The following ADAMTSL1 variants were observed in gnomAD, a reference collection of about 807,000 sequenced individuals.
The protein encoded by ADAMTSL1 is ADAMTS like 1.
Under a neutral mutation model 201.8 loss-of-function variants are expected in ADAMTSL1, and 126 were observed. The observed-to-expected ratio is 0.62, with a 90% CI of 0.54 to 0.72. The LOEUF is 0.72. Among genes scored for constraint, ADAMTSL1 ranks in the 30% least tolerant of loss-of-function variants. The pLI is 0.00. For synonymous variants in ADAMTSL1, 1,121 were observed against 903.4 expected (o/e 1.24, Z -4.32); for missense variants, 2,679 against 2,277.8 (o/e 1.18, Z -3.59).
rs535634885 is a variant in ADAMTSL1 at position 18,314,592 on chromosome 9, A to C, written c.207+150611A>C. Among the ~76,000 whole-genome samples, 3 of 150,926 alleles carry C rather than the reference A, an allele frequency of 2.0e-5. No homozygotes were observed. The South Asian group carries it at 6.5e-4, about 33-fold the overall frequency. On this transcript the variant is annotated intron_variant, in intron 2 of 29. Transcript: ENST00000680146. ...CCGTCTGGAGTTGTTCATCCCTCCC[A>C]GTGGGTTCATGGTCTCGCTGGCCTC...
At chr9:18,019,294 G>T (rs1586903623) in intron 1 of ADAMTSL1, among the ~76,000 whole-genome samples, 1 of 152,048 alleles carries the variant, frequency 6.6e-6, no homozygotes, top group African/African-American at 2.4e-5. Context: ...ACGAAAAGGA[G>T]TCAGGACTTG....
chr9:18,259,949 C>T (rs1467122357), intron 2 of ADAMTSL1, among the ~76,000 whole-genome samples: 1 of 152,140 alleles, frequency 6.6e-6, no homozygotes, highest in African/African-American at 2.4e-5. Context: ...CCATTTTTAA[C>T]TCATTCAAGG....
intron 16 of ADAMTSL1, among the ~76,000 whole-genome samples, chr9:18,759,512 A>G (rs770684823): frequency 1.3e-5 from 2 of 152,180 alleles, no homozygotes; most frequent in Admixed American, 1.3e-4. Context: ...GTTAGAGGCT[A>G]TATTTATTTA....
rs1824122144 is a variant in ADAMTSL1 at position 18,594,383 on chromosome 9, AT to A, written c.474+20122del. ...CTTATAACTGTCTTCAGATTTGGAC[AT>A]TTTTCTGTTACTACTTTTTTGAATA... On this transcript the variant is annotated intron_variant, in intron 4 of 28. Coordinates refer to ENST00000380548, the MANE Select transcript of ADAMTSL1 (RefSeq NM_001040272.6). Among the ~76,000 whole-genome samples, 20 of 152,020 alleles carry A rather than the reference AT, an allele frequency of 1.3e-4. No individual in the cohort carries two copies. In the South Asian group the frequency reaches 4.1e-3, roughly 31 times the overall value.
At chr9:18,897,567 A>G (rs1280454660) in intron 26 of ADAMTSL1, among the ~76,000 whole-genome samples, 2 of 152,244 alleles carry the variant, frequency 1.3e-5, no homozygotes, top group Admixed American at 6.5e-5. Flanking sequence ...ACATCCAGGT[A>G]AGGGGAAAAC....
At chr9:18,609,188 T>A (rs1404891324) in intron 4 of ADAMTSL1, among the ~76,000 whole-genome samples, 1 of 152,224 alleles carries the variant, frequency 6.6e-6, no homozygotes, top group Non-Finnish European at 1.5e-5. Flanking sequence ...TATTTGAAAG[T>A]GGTTCCTGAA....
At chr9:18,557,225 T>C (rs2063087841) in intron 3 of ADAMTSL1, among the ~76,000 whole-genome samples, 1 of 151,926 alleles carries the variant, frequency 6.6e-6, no homozygotes, top group African/African-American at 2.4e-5. Flanking sequence ...GCCAAGAAGA[T>C]TTGCATTAAT....
At chr9:18,116,907 A>G (rs949221343) in intron 1 of ADAMTSL1, among the ~76,000 whole-genome samples, 2 of 152,110 alleles carry the variant, frequency 1.3e-5, no homozygotes, top group Non-Finnish European at 2.9e-5. Flanking sequence ...TGGACATCTC[A>G]CATTTAAGTA....
At chr9:18,828,914 T>C (rs1405976744) in intron 22 of ADAMTSL1, among the ~76,000 whole-genome samples, 1 of 151,830 alleles carries the variant, frequency 6.6e-6, no homozygotes, top group Non-Finnish European at 1.5e-5. Context: ...TGCAGAATGC[T>C]GTTGAAATGA....
intron 1 of ADAMTSL1, among the ~76,000 whole-genome samples, chr9:17,929,437 G>A (rs567666735): frequency 6.6e-6 from 1 of 152,080 alleles, no homozygotes; most frequent in African/African-American, 2.4e-5. Flanking sequence ...GAGAATGCAT[G>A]CTTCCGAATA....
intron 18 of ADAMTSL1, among the ~76,000 whole-genome samples, 192 bp downstream of exon 18, chr9:18,776,088 A>C (rs989326040): frequency 1.3e-5 from 2 of 152,178 alleles, no homozygotes; most frequent in Admixed American, 1.3e-4. Context: ...GGCCAGGCTA[A>C]ATTCTCCTCT....
intron 23 of ADAMTSL1, among the ~76,000 whole-genome samples, chr9:18,832,242 T>TCCAGTGG (rs940106748): frequency 2.0e-5 from 3 of 152,114 alleles, no homozygotes; most frequent in African/African-American, 7.2e-5. Flanking sequence ...CTGGTCTTAG[T>TCCAGTGG]CCAGTGGCTC....
chr9:18,721,824 A>C (rs1288784721), intron 15 of ADAMTSL1, among the ~76,000 whole-genome samples, 159 bp downstream of exon 15: 1 of 152,248 alleles, frequency 6.6e-6, no homozygotes, highest in African/African-American at 2.4e-5. Flanking sequence ...GTTTAATTGA[A>C]ACCAGGGCTT....
At chr9:18,907,145 G>C (rs1830361837) in intron 28 of ADAMTSL1, 1 of 545,188 alleles carries the variant, frequency 1.8e-6, no homozygotes, top group African/African-American at 1.9e-5. Context: ...CTGGCCCTGA[G>C]AGAGCCAGGT....
intron 7 of ADAMTSL1, among the ~76,000 whole-genome samples, 179 bp from the exon 8 acceptor site, chr9:18,657,460 G>A (rs1266853122): frequency 1.3e-5 from 2 of 152,194 alleles, no homozygotes; most frequent in Non-Finnish European, 2.9e-5. Context: ...GCTTATGCAA[G>A]GACCATTCAC....
rs112907733 is a variant in ADAMTSL1, at chr9:18,155,042, T to C, written c.88-8820T>C. Among the ~76,000 whole-genome samples, 343 of 152,164 alleles carry C rather than the reference T, an allele frequency of 2.3e-3. 3 individuals carry two copies. Among genetic ancestry groups the C allele is most frequent in the African/African-American group, 7.6e-3 (317 of 41,562 alleles). ...ACAGATATAAGAATTACACTACTTA[T>C]AATGCCAAAGCACTATCTGTAGAGT... On this transcript the variant is annotated intron_variant, in intron 1 of 29. Coordinates refer to the ADAMTSL1 transcript ENST00000680146.
At chr9:18,693,788 A>G (rs991104406) in intron 13 of ADAMTSL1, among the ~76,000 whole-genome samples, 2 of 152,214 alleles carry the variant, frequency 1.3e-5, no homozygotes, top group African/African-American at 4.8e-5. Context: ...AAAGATTTGC[A>G]TTGTGATTAT....
At chr9:18,875,773 T>C (rs745982534) in intron 23 of ADAMTSL1, among the ~76,000 whole-genome samples, 10 of 152,162 alleles carry the variant, frequency 6.6e-5, no homozygotes, top group Non-Finnish European at 2.9e-5. Context: ...CCATTTGTTC[T>C]AGGTTATAGT....
chr9:18,598,856 A>T (rs543654518), intron 4 of ADAMTSL1, among the ~76,000 whole-genome samples: 1 of 150,364 alleles, frequency 6.7e-6, no homozygotes, highest in Non-Finnish European at 1.5e-5. Context: ...AGTAACAGAT[A>T]TTTCAGAGAA....
Sources: gnomAD v4.1 joint callset for allele counts (sites outside exome capture counted in the v4.1 genomes callset) on GRCh38, gnomAD v4.1.1 for gene constraint, MANE v1.5 for transcripts, NCBI Gene and HGNC (gene_info 2026-07-23, HGNC 2026-07-21) for gene names.